NME6: variants seen among roughly 807,000 people sequenced by gnomAD.
NME6 encodes the protein nucleoside diphosphate kinase 6, mitochondrial.
A neutral mutation model predicts 22.2 loss-of-function variants in NME6; 16 were observed. That is an observed-to-expected ratio of 0.72 (90% confidence interval 0.49 to 1.09). The LOEUF (loss-of-function observed/expected upper bound fraction) is 1.09. Ranked by LOEUF, NME6 falls within the 50% of genes least tolerant of loss-of-function variation. NME6 has a pLI of 0.00. For synonymous variants in NME6, 58 were observed against 85.2 expected, an observed-to-expected ratio of 0.68 and a Z score of 1.76; for missense variants, 229 against 239.0, an observed-to-expected ratio of 0.96 and a Z score of 0.28.
downstream of NME6, chr3:48,291,222 G>T: frequency 2.7e-6 from 1 of 366,880 alleles, no homozygotes; most frequent in South Asian, 2.3e-5. Context: ...GGAAAAATAA[G>T]CAGGAAGGGT....
chr3:48,289,977 A>G (rs1296917218), downstream of NME6, among the ~76,000 whole-genome samples: 1 of 152,208 alleles, frequency 6.6e-6, no homozygotes, highest in African/African-American at 2.4e-5. Flanking sequence ...ATCATGAAGT[A>G]TGTTATCTTT....
rs908806126 is a variant in NME6, at chr3:48,298,471, C to T, written c.46G>A (p.Ala16Thr). 1.4e-5 allele frequency: 22 copies of T among 1,613,080 alleles called. No homozygotes were observed. The highest frequency in any genetic ancestry group is 1.8e-5 in the Non-Finnish European group (21 of 1,179,546). ...RSPQALQLTLALIKPDAVAHP... is the reference protein window; with the variant it reads ...RSPQALQLTLTLIKPDAVAHP... ...GCGACTGCGTCAGGCTTGATCAGGG[C>T]TAGAGTGAGCTGGAGAGCCTGAGGG... Residue 16 changes from alanine to threonine, a missense_variant, in exon 2 of 6, where the codon GCC (alanine) becomes ACC (threonine). Physicochemically the swap from Ala to Thr is moderately conservative, Grantham distance 58. Coordinates refer to ENST00000442597, the MANE Select transcript of NME6 (RefSeq NM_001308426.2).
rs372251148 is a variant in NME6 at position 48,298,454 on chromosome 3, G to A, written c.63C>T (p.Asp21=). 68 of 1,613,972 alleles carry A rather than the reference G, an allele frequency of 4.2e-5. No individual in the cohort carries two copies. Among genetic ancestry groups the A allele is most frequent in the Middle Eastern group, 1.6e-4 (1 of 6,084 alleles). ...LQLTLALIKP[D]AVAHPLILEA... Reference sequence around the variant, plus strand: ...CCAGAATCAGTGGATGGGCGACTGCGTCAGGCTTGATCAGGGCTAGAGTGA... The same window carrying A: ...CCAGAATCAGTGGATGGGCGACTGCATCAGGCTTGATCAGGGCTAGAGTGA... Residue 21 remains aspartate, a synonymous_variant, in exon 2 of 6, where the codon GAC becomes GAT. Transcript: ENST00000442597.
intron 1 of NME6, chr3:48,300,449 C>A: frequency 4.9e-6 from 2 of 412,178 alleles, no homozygotes. Context: ...TCTTAGCTCA[C>A]TTCCCGTTAC....
chr3:48,295,370 T>A, intron 4 of NME6, 135 bp from the exon 5 acceptor site: 5 of 957,914 alleles, frequency 5.2e-6, no homozygotes, highest in Non-Finnish European at 4.6e-6. Flanking sequence ...CCAATGCTGC[T>A]TCAAATAGGT....
At chr3:48,296,939 G>A (rs1274898820) in intron 2 of NME6, 110 bp from the exon 3 acceptor site, 4 of 778,798 alleles carry the variant, frequency 5.1e-6, no homozygotes, top group Non-Finnish European at 8.3e-6. Context: ...TCCCATTGAA[G>A]GGTGAGAAGA....
At chr3:48,301,217 A>T in intron 1 of NME6, 136 bp downstream of exon 1, 1 of 1,489,720 alleles carries the variant, frequency 6.7e-7, no homozygotes, top group Non-Finnish European at 9.0e-7. Context: ...TCACGGCCTC[A>T]ACTCTCGACC....
chr3:48,300,977 G>A (rs1237549048), intron 1 of NME6, among the ~76,000 whole-genome samples: 1 of 152,158 alleles, frequency 6.6e-6, no homozygotes, highest in Non-Finnish European at 1.5e-5. Flanking sequence ...GAACTCTGGA[G>A]GCGGAGGCTG....
At chr3:48,300,538 C>G in intron 1 of NME6, 1 of 357,354 alleles carries the variant, frequency 2.8e-6, no homozygotes, top group South Asian at 2.1e-5. Context: ...TAGCACACAG[C>G]TGGCTCTTAA....
In NME6 at chr3:48,294,822, C is replaced by CA; in HGVS notation, c.395-20dup. On this transcript the variant is annotated intron_variant, in intron 5 of 5. Coordinates refer to ENST00000442597, the MANE Select transcript of NME6 (RefSeq NM_001308426.2). Reference sequence around the variant, plus strand: ...ACAGAGTCTGTAAGGGGAGATAAGACAGAGAAGGGGTTCTCACATGGTAGA... The same window carrying CA: ...ACAGAGTCTGTAAGGGGAGATAAGACAAGAGAAGGGGTTCTCACATGGTAGA... 3 of 1,610,098 alleles carry CA rather than the reference C, an allele frequency of 1.9e-6. No individual in the cohort carries two copies. Among genetic ancestry groups the CA allele is most frequent in the Non-Finnish European group, 2.5e-6 (3 of 1,176,804 alleles).
intron 1 of NME6, among the ~76,000 whole-genome samples, chr3:48,299,471 TG>T (rs1355542544): frequency 6.6e-6 from 1 of 152,022 alleles, no homozygotes; most frequent in Non-Finnish European, 1.5e-5. Flanking sequence ...CATTTGGCCA[TG>T]TGTAGTGGCT....
chr3:48,289,500 C>CA (rs2034317230), downstream of NME6, among the ~76,000 whole-genome samples: 2 of 152,240 alleles, frequency 1.3e-5, no homozygotes, highest in South Asian at 4.2e-4. Context: ...CAGGATGGAG[C>CA]AGTGGATGTG....
chr3:48,289,149 CCG>C (rs1425175921), downstream of NME6, among the ~76,000 whole-genome samples: 3 of 152,032 alleles, frequency 2.0e-5, no homozygotes, highest in African/African-American at 7.2e-5. Flanking sequence ...ACCGCAACCT[CCG>C]TCTCCTGGGT....
intron 3 of NME6, 133 bp from the exon 4 acceptor site, chr3:48,296,291 A>C (rs575727073): frequency 1.6e-4 from 211 of 1,294,702 alleles, no homozygotes; most frequent in Non-Finnish European, 2.1e-4. Context: ...GAGTCTGACA[A>C]ACCTGGGTCT....
downstream of NME6, among the ~76,000 whole-genome samples, chr3:48,289,779 G>A (rs1433598649): frequency 6.6e-6 from 1 of 152,176 alleles, no homozygotes; most frequent in Non-Finnish European, 1.5e-5. Context: ...TGTTCAATGT[G>A]AAATTAATTG....
Position 48,294,570 on chromosome 3 carries a change from G to C in NME6, c.*67C>G. 6.4e-7 allele frequency: 1 copy of C among 1,554,744 alleles called. No individual in the cohort carries two copies. The highest frequency in any genetic ancestry group is 8.8e-7 in the Non-Finnish European group (1 of 1,135,424). ...TGTAAGCCAGGCTTCCCTGGTCCTAGGAGAATGTTTTAGACTAGATGTCTA... is the reference window on the plus strand; with the variant it reads ...TGTAAGCCAGGCTTCCCTGGTCCTACGAGAATGTTTTAGACTAGATGTCTA... On this transcript the variant is annotated 3_prime_UTR_variant, in exon 6 of 6. Transcript: ENST00000442597.
At chr3:48,290,096 T>C (rs1248158232), downstream of NME6, among the ~76,000 whole-genome samples, 1 of 151,646 alleles carries the variant, frequency 6.6e-6, no homozygotes, top group Admixed American at 6.6e-5. Flanking sequence ...GGGATCTCGC[T>C]GTCACCCAGG....
intron 2 of NME6, 147 bp from the exon 3 acceptor site, chr3:48,296,976 A>C: frequency 1.6e-6 from 1 of 618,430 alleles, no homozygotes; most frequent in Non-Finnish European, 2.9e-6. Context: ...GAAGACCTTC[A>C]GTCACACAGC....
At chr3:48,300,631 C>A in intron 1 of NME6, 2 of 280,876 alleles carry the variant, frequency 7.1e-6, no homozygotes, top group South Asian at 6.6e-5. Flanking sequence ...CAAGAACACG[C>A]GGCCTGTAGG....
Sources: gnomAD v4.1 joint callset for allele counts (sites outside exome capture counted in the v4.1 genomes callset) on GRCh38, gnomAD v4.1.1 for gene constraint, MANE v1.5 for transcripts, NCBI Gene and HGNC (gene_info 2026-07-23, HGNC 2026-07-21) for gene names.